Variants in CSMD2 observed in about 807,000 individuals in gnomAD.
CSMD2 encodes CUB and Sushi multiple domains 2.
A neutral mutation model predicts 398.5 loss-of-function variants in CSMD2; 130 were observed. The observed-to-expected ratio is 0.33, with a 90% CI of 0.28 to 0.38. CSMD2 has a LOEUF of 0.38. Ranked by LOEUF, CSMD2 falls within the 10% of genes least tolerant of loss-of-function variation. The probability of loss-of-function intolerance (pLI) is 1.00; values close to 1 mark genes in which losing one functional copy is unlikely to be tolerated. For synonymous variants in CSMD2, 1,828 were observed against 1,908.5 expected, an observed-to-expected ratio of 0.96 and a Z score of 1.10; for missense variants, 3,829 against 4,764.9, an observed-to-expected ratio of 0.80 and a Z score of 5.78.
At chr1:34,000,763 T>G (rs1161933989) in intron 3 of CSMD2, among the ~76,000 whole-genome samples, 1 of 152,176 alleles carries the variant, frequency 6.6e-6, no homozygotes, top group South Asian at 2.1e-4. Context: ...AAACCACTGT[T>G]GTCTAATCTC....
chr1:34,132,598 G>C (rs1288426412), intron 1 of CSMD2, among the ~76,000 whole-genome samples: 1 of 152,220 alleles, frequency 6.6e-6, no homozygotes, highest in East Asian at 1.9e-4. Flanking sequence ...ATTGGAATCA[G>C]GAGACTAAAT....
At chr1:33,909,532 C>G (rs1165335426) in intron 5 of CSMD2, among the ~76,000 whole-genome samples, 1 of 150,446 alleles carries the variant, frequency 6.6e-6, no homozygotes. Flanking sequence ...CTTGTCTTCT[C>G]CACCATTGCA....
chr1:33,702,617 T>C (rs1645647097), intron 22 of CSMD2, among the ~76,000 whole-genome samples: 1 of 152,204 alleles, frequency 6.6e-6, no homozygotes, highest in African/African-American at 2.4e-5. Context: ...ATAGATACTA[T>C]AGGGCAAACT....
At chr1:33,699,967 C>A (rs570907022) in intron 23 of CSMD2, among the ~76,000 whole-genome samples, 3 of 152,060 alleles carry the variant, frequency 2.0e-5, no homozygotes, top group African/African-American at 4.8e-5. Flanking sequence ...TTACTGCAAT[C>A]TTTTCAAGGG....
intron 60 of CSMD2, among the ~76,000 whole-genome samples, chr1:33,539,218 G>A (rs1255589509): frequency 6.6e-6 from 1 of 152,042 alleles, no homozygotes; most frequent in African/African-American, 2.4e-5. Flanking sequence ...CACCCACCTC[G>A]GCCTCCCAAA....
chr1:34,008,899 C>T lies in CSMD2; in HGVS notation c.517+23695G>A, dbSNP rs185018107. Reference sequence around the variant, plus strand: ...AATGAATGAATGAATGTTGATTTGACATCTTCACAACCCTTCTCACCTCAG... The same window carrying T: ...AATGAATGAATGAATGTTGATTTGATATCTTCACAACCCTTCTCACCTCAG... On this transcript the variant is annotated intron_variant, in intron 3 of 70. Transcript: ENST00000373381. 1.7e-3 allele frequency among the ~76,000 whole-genome samples: 258 copies of T among 152,232 alleles called. 5 individuals carry two copies. Among genetic ancestry groups the T allele is most frequent in the Admixed American group, 0.015 (225 of 15,298 alleles).
intron 3 of CSMD2, among the ~76,000 whole-genome samples, chr1:33,959,375 G>T (rs1000224811): frequency 1.3e-5 from 2 of 152,088 alleles, no homozygotes; most frequent in African/African-American, 2.4e-5. Context: ...AGTCAGAAAC[G>T]AGTTTTTGCC....
At chr1:33,590,595 T>TCACACACACACACACACACACACA (rs10611040) in intron 44 of CSMD2, among the ~76,000 whole-genome samples, 10 of 137,728 alleles carry the variant, frequency 7.3e-5, no homozygotes, top group African/African-American at 2.8e-4. Flanking sequence ...CTATTTCCCA[T>TCACACACACACACACACACACACA]CACACACACA....
chr1:33,713,482 C>T (rs1353403254), intron 21 of CSMD2, among the ~76,000 whole-genome samples: 1 of 152,144 alleles, frequency 6.6e-6, no homozygotes, highest in African/African-American at 2.4e-5. Flanking sequence ...TTTTATCCAG[C>T]CCTACATTAT....
chr1:33,658,687 C>T (rs1034184253), intron 26 of CSMD2, among the ~76,000 whole-genome samples: 1 of 152,040 alleles, frequency 6.6e-6, no homozygotes, highest in South Asian at 2.1e-4. Context: ...CACAGCAAGA[C>T]CCTGACCCTA....
chr1:34,052,193 AC>A (rs997387868), intron 2 of CSMD2, among the ~76,000 whole-genome samples: 1 of 151,674 alleles, frequency 6.6e-6, no homozygotes, highest in South Asian at 2.1e-4. Context: ...ACACACACAC[AC>A]ATCACACATA....
intron 29 of CSMD2, among the ~76,000 whole-genome samples, chr1:33,646,265 G>C (rs547775842): frequency 6.6e-6 from 1 of 152,352 alleles, no homozygotes; most frequent in African/African-American, 2.4e-5. Context: ...GAAGCTCTGA[G>C]TGGAGAGGAA....
chr1:33,831,315 G>T (rs546906386), intron 6 of CSMD2, among the ~76,000 whole-genome samples: 2 of 152,132 alleles, frequency 1.3e-5, no homozygotes, highest in Admixed American at 1.3e-4. Context: ...CGGATTTCTC[G>T]GCAGAAACTC....
chr1:33,575,902 C>T (rs1055593768), intron 49 of CSMD2, among the ~76,000 whole-genome samples: 1 of 152,146 alleles, frequency 6.6e-6, no homozygotes, highest in Admixed American at 6.6e-5. Context: ...AAGTACTTCA[C>T]CACTACTGGG....
chr1:33,932,310 A>G (rs1295663630), intron 4 of CSMD2, among the ~76,000 whole-genome samples: 1 of 152,148 alleles, frequency 6.6e-6, no homozygotes, highest in Non-Finnish European at 1.5e-5. Context: ...TTACAGCAAC[A>G]CAGTAGATGA....
intron 9 of CSMD2, among the ~76,000 whole-genome samples, chr1:33,815,692 G>T (rs1657381031): frequency 6.6e-6 from 1 of 152,142 alleles, no homozygotes; most frequent in Admixed American, 6.5e-5. Flanking sequence ...ATAAAATATG[G>T]TTATTGCCAC....
chr1:34,024,176 C>G (rs1649317336), intron 3 of CSMD2, among the ~76,000 whole-genome samples: 1 of 152,200 alleles, frequency 6.6e-6, no homozygotes, highest in African/African-American at 2.4e-5. Context: ...ATGTAGGGGC[C>G]ACTTCTTATT....
intron 5 of CSMD2, among the ~76,000 whole-genome samples, chr1:33,860,323 A>T (rs1431621684): frequency 6.6e-6 from 1 of 152,044 alleles, no homozygotes; most frequent in African/African-American, 2.4e-5. Context: ...TCTTTATTTC[A>T]GTTTGTCTAA....
chr1:33,976,164 A>T (rs1254939635), intron 3 of CSMD2, among the ~76,000 whole-genome samples: 1 of 152,152 alleles, frequency 6.6e-6, no homozygotes, highest in Non-Finnish European at 1.5e-5. Flanking sequence ...CAGGATGTGG[A>T]TGGCTGCAGG....
Sources: allele counts gnomAD v4.1 joint callset (sites outside exome capture counted in the v4.1 genomes callset), GRCh38; gene constraint gnomAD v4.1.1; transcripts MANE v1.5; gene names NCBI Gene and HGNC (gene_info 2026-07-23, HGNC 2026-07-21).